Variants in ETV4 observed in about 807,000 individuals in gnomAD.
ETV4 encodes ETS variant transcription factor 4, also known as ETS translocation variant 4.
ETV4 carries 42 observed loss-of-function variants against 65.9 expected under a neutral mutation model. That is an observed-to-expected ratio of 0.64 (90% CI 0.50 to 0.82). The LOEUF is 0.82. Ranked by LOEUF, ETV4 falls within the 40% of genes least tolerant of loss-of-function variation. The probability of loss-of-function intolerance (pLI) is 0.00; values close to 1 mark genes in which losing one functional copy is unlikely to be tolerated. For missense variants in ETV4, 583 were observed against 630.3 expected, an observed-to-expected ratio of 0.92 and a Z score of 0.80; for synonymous variants, 238 against 260.0, an observed-to-expected ratio of 0.92 and a Z score of 0.81.
At chr17:43,537,136 C>T (rs991288235) in intron 4 of ETV4, among the ~76,000 whole-genome samples, 2 of 152,070 alleles carry the variant, frequency 1.3e-5, no homozygotes, top group Admixed American at 6.5e-5. Flanking sequence ...GAAGTCAAGG[C>T]GGGTGGATCA....
In ETV4 at chr17:43,533,967, G is replaced by T; in HGVS notation, c.275C>A (p.Thr92Asn). The T allele has an allele frequency of 6.5e-7, 1 of 1,537,666 alleles. No homozygotes were observed. The highest frequency in any genetic ancestry group is 8.7e-7 in the Non-Finnish European group (1 of 1,153,878). Residue 92 changes from threonine to asparagine, a missense_variant, in exon 6 of 13, where the codon ACC (threonine) becomes AAC (asparagine). By Grantham distance (65) the Thr-to-Asn change is moderately conservative. Coordinates refer to ENST00000319349, the MANE Select transcript of ETV4 (RefSeq NM_001079675.5). ...HSENLAFHSPTTRIKKEPQSP... is the reference protein window; with the variant it reads ...HSENLAFHSPNTRIKKEPQSP... ...CTGGGGCTCCTTCTTGATCCTGGTG[G>T]TGGGGCTGTGGAAAGCTACTGTGGG...
chr17:43,536,503 G>C (rs1326243990), intron 4 of ETV4, 24 bp from the exon 5 acceptor site: 2 of 1,613,156 alleles, frequency 1.2e-6, no homozygotes, highest in Non-Finnish European at 8.5e-7. Flanking sequence ...TCAGAGGTGA[G>C]TTTGGGGCGG....
chr17:43,532,073 T>G (rs902109640), intron 8 of ETV4, among the ~76,000 whole-genome samples: 2 of 152,272 alleles, frequency 1.3e-5, no homozygotes, highest in African/African-American at 4.8e-5. Flanking sequence ...TTGCCTAAGC[T>G]GGCCTTGAAC....
At chr17:43,536,540 CATT>C (rs2154587160) in intron 4 of ETV4, 61 bp from the exon 5 acceptor site, 1 of 1,468,796 alleles carries the variant, frequency 6.8e-7, no homozygotes, top group East Asian at 2.3e-5. Flanking sequence ...TGGGAGGCTC[CATT>C]ATTACAGCCC....
chr17:43,532,609 G>T, intron 8 of ETV4, 65 bp downstream of exon 8: 1 of 1,447,532 alleles, frequency 6.9e-7, no homozygotes, highest in Non-Finnish European at 9.3e-7. Flanking sequence ...AAAAAACTCG[G>T]GAGACATTCT....
Position 43,533,302 on chromosome 17 carries a change from CA to C in ETV4, c.429del (p.Gly144ValfsTer20), listed in dbSNP as rs1971056392. 6.2e-7 allele frequency: 1 copy of C among 1,613,762 alleles called. No homozygotes were observed. The highest frequency in any genetic ancestry group is 8.5e-7 in the Non-Finnish European group (1 of 1,179,842). On this transcript the variant is annotated frameshift_variant, in exon 7 of 13. Transcript: ENST00000319349. LOFTEE classifies it high-confidence loss of function. ...PRQIAIKSPA[P>X]GALGQSPLQP... Reference sequence around the variant, plus strand: ...TGTAGGGGCGACTGTCCAAGGGCACCAGGGGCAGGGGACTTGATGGCGATTT... The same window carrying C: ...TGTAGGGGCGACTGTCCAAGGGCACCGGGGCAGGGGACTTGATGGCGATTT...
chr17:43,545,510 G>A, intron 2 of ETV4, 48 bp downstream of exon 2: 1 of 1,522,838 alleles, frequency 6.6e-7, no homozygotes, highest in Non-Finnish European at 8.9e-7. Context: ...GTGAGAGTAG[G>A]GGCTGGGTGC....
In ETV4 at chr17:43,528,628, C is replaced by G. The variant is rs1418923652; in HGVS notation, c.1346G>C (p.Ser449Thr). 1.9e-6 allele frequency: 3 copies of G among 1,614,206 alleles called. No homozygotes were observed. Among genetic ancestry groups the G allele is most frequent in the South Asian group, 2.2e-5 (2 of 91,084 alleles). Residue 449 changes from serine to threonine, a missense_variant, in exon 13 of 13, where the codon AGT becomes ACT. Coordinates refer to ENST00000319349, the MANE Select transcript of ETV4 (RefSeq NM_001079675.5). ...GGACAAAGGGACTGTGTCCTCCTCACTGACAGGCCGGTCAAACTCAGCCTT... is the reference window on the plus strand; with the variant it reads ...GGACAAAGGGACTGTGTCCTCCTCAGTGACAGGCCGGTCAAACTCAGCCTT... ...ALKAEFDRPV[S>T]EEDTVPLSHL...
chr17:43,536,917 TTTC>T (rs1567712596), intron 4 of ETV4, among the ~76,000 whole-genome samples: 2 of 152,252 alleles, frequency 1.3e-5, no homozygotes, highest in African/African-American at 4.8e-5. Context: ...GATTCCAGTC[TTTC>T]TTCTTCTAGA....
At chr17:43,530,526 T>G (rs764218605) in intron 8 of ETV4, 25 of 969,274 alleles carry the variant, frequency 2.6e-5, no homozygotes, top group Non-Finnish European at 3.3e-5. Context: ...GGGGAAAGAG[T>G]TCGGTGTCCA....
intron 8 of ETV4, chr17:43,530,486 G>C (rs1598194779): frequency 1.6e-6 from 2 of 1,271,136 alleles, no homozygotes; most frequent in Non-Finnish European, 2.0e-6. Context: ...TGCGAGTTCA[G>C]GGGGAGGAGG....
intron 8 of ETV4, among the ~76,000 whole-genome samples, chr17:43,531,618 C>T (rs1048376058): frequency 3.3e-5 from 5 of 152,164 alleles, no homozygotes; most frequent in African/African-American, 4.8e-5. Flanking sequence ...GCATGAGAAT[C>T]GCTTGAACCC....
At chr17:43,529,336 C>A in intron 11 of ETV4, 100 bp from the exon 12 acceptor site, 2 of 1,409,780 alleles carry the variant, frequency 1.4e-6, no homozygotes, top group South Asian at 1.2e-5. Context: ...TGCAAAGTGC[C>A]AAGCTAGCTC....
rs956650989 is a variant in ETV4 at position 43,533,913 on chromosome 17, C to G, written c.329G>C (p.Cys110Ser). The change falls in exon 6 of 13, where the codon TGC becomes TCC. Residue 110 changes from cysteine to serine, a missense_variant. Coordinates refer to ENST00000319349, the MANE Select transcript of ETV4 (RefSeq NM_001079675.5). ...QSPRTDPALS[C>S]SRKPPLPYHH... ...GTAGGGGAGTGGCGGCTTCCTGCTG[C>G]AGGACAGGGCCGGGTCTGTGCGGGG... is the stretch of plus-strand genomic sequence containing the variant. The G allele has an allele frequency of 3.1e-6, 5 of 1,592,446 alleles. No individual in the cohort carries two copies. In the South Asian group the frequency reaches 4.6e-5, roughly 15 times the overall value.
Position 43,533,831 on chromosome 17 carries a change from C to A in ETV4, c.383+28G>T. 1.9e-6 allele frequency: 3 copies of A among 1,605,574 alleles called. 1 individual carries two copies. The stretch of plus-strand genomic sequence containing the variant: ...CCCTCCTCTGGAACCCTTCTCCTAC[C>A]CTTCACCAGGTCCAGGCTGGGGCTC... On this transcript the variant is annotated intron_variant, in intron 6 of 12. Transcript: ENST00000319349.
At chr17:43,528,838 T>A in intron 12 of ETV4, 95 bp from the exon 13 acceptor site, 1 of 948,056 alleles carries the variant, frequency 1.1e-6, no homozygotes, top group Non-Finnish European at 1.6e-6. Flanking sequence ...CTTCTACCAG[T>A]ACAGGCAGAT....
chr17:43,529,805 C>G lies in ETV4; in HGVS notation c.955+79G>C. The stretch of plus-strand genomic sequence containing the variant: ...TTCTATGGGTCCCACCCTCTTGCAA[C>G]AATGAAACGTGATGTGACTCCTGCA... On this transcript the variant is annotated intron_variant, in intron 10 of 12. Transcript: ENST00000319349. The G allele has an allele frequency of 3.7e-6, 6 of 1,601,608 alleles. 1 individual carries two copies. In the South Asian group the frequency reaches 5.5e-5, roughly 15 times the overall value.
intron 8 of ETV4, chr17:43,530,559 G>A: frequency 1.7e-6 from 1 of 580,438 alleles, no homozygotes; most frequent in Non-Finnish European, 2.6e-6. Flanking sequence ...CCTCAGAATG[G>A]ACAAAAATGT....
chr17:43,528,586 G>C lies in ETV4; in HGVS notation c.1388C>G (p.Pro463Arg), dbSNP rs746585925. The change falls in exon 13 of 13, where the codon CCC (proline) becomes CGC (arginine). Residue 463 changes from proline (P) to arginine (R), a missense_variant. Physicochemically the swap from Pro to Arg is moderately radical, Grantham distance 103. Coordinates refer to ENST00000319349, the MANE Select transcript of ETV4 (RefSeq NM_001079675.5). ...GCCAGCCAGCTCTGGGAGGTAGGCGGGGCTCTCATCCAAGTGGGACAAAGG... is the reference window on the plus strand; with the variant it reads ...GCCAGCCAGCTCTGGGAGGTAGGCGCGGCTCTCATCCAAGTGGGACAAAGG... ...TVPLSHLDESPAYLPELAGPA... is the reference protein window; with the variant it reads ...TVPLSHLDESRAYLPELAGPA... 13 of 1,613,960 alleles carry C rather than the reference G, an allele frequency of 8.1e-6. No homozygotes were observed. In the East Asian group the frequency reaches 2.2e-4, roughly 28 times the overall value.
Sources: allele counts gnomAD v4.1 joint callset (sites outside exome capture counted in the v4.1 genomes callset), GRCh38; gene constraint gnomAD v4.1.1; transcripts MANE v1.5; gene names NCBI Gene and HGNC (gene_info 2026-07-23, HGNC 2026-07-21).